Variants in RBM20 observed in about 807,000 individuals in gnomAD.
RBM20 encodes the protein RNA binding motif protein 20, also known as RNA-binding protein 20.
RBM20 carries 51 observed loss-of-function variants against 110.1 expected under a neutral mutation model. The ratio of observed to expected loss-of-function variants is 0.46; its 90% CI spans 0.37 to 0.59. The LOEUF (loss-of-function observed/expected upper bound fraction) is 0.59, where lower values mean the gene tolerates loss of function less well. RBM20 is among the 20% of genes least tolerant of loss of function. The probability of loss-of-function intolerance (pLI) is 0.00; values close to 1 mark genes in which losing one functional copy is unlikely to be tolerated. For missense variants in RBM20, 1,512 were observed against 1,574.9 expected (o/e 0.96, Z 0.68); for synonymous variants, 589 against 618.2 (o/e 0.95, Z 0.70).
intron 1 of RBM20, among the ~76,000 whole-genome samples, chr10:110,668,542 C>G (rs908711583): frequency 3.9e-5 from 6 of 151,974 alleles, no homozygotes; most frequent in African/African-American, 1.4e-4. Context: ...GTCATTCAAG[C>G]AGAAATTGCG....
intron 7 of RBM20, among the ~76,000 whole-genome samples, 196 bp downstream of exon 7, chr10:110,800,114 C>T (rs1844603685): frequency 6.6e-6 from 1 of 152,150 alleles, no homozygotes; most frequent in African/African-American, 2.4e-5. Flanking sequence ...ATACAAAGTG[C>T]AAAGAGACGC....
At chr10:110,773,499 A>G (rs767212910) in intron 1 of RBM20, among the ~76,000 whole-genome samples, 1 of 152,224 alleles carries the variant, frequency 6.6e-6, no homozygotes, top group Non-Finnish European at 1.5e-5. Flanking sequence ...AAAATTTTCA[A>G]AAAAAACCAA....
intron 13 of RBM20, 100 bp from the exon 14 acceptor site, chr10:110,835,768 A>T (rs113227375): frequency 8.1e-7 from 1 of 1,232,050 alleles, no homozygotes; most frequent in Non-Finnish European, 1.1e-6. Context: ...CTGGGCACAG[A>T]TGCCAGGAGA....
intron 13 of RBM20, among the ~76,000 whole-genome samples, chr10:110,831,685 A>AAAC (rs35806410): frequency 9.3e-5 from 14 of 150,164 alleles, no homozygotes; most frequent in Admixed American, 6.6e-4. Context: ...AAAAAAAAAA[A>AAAC]AAAAAACACT....
At chr10:110,660,492 G>C (rs1041146014) in intron 1 of RBM20, among the ~76,000 whole-genome samples, 3 of 152,134 alleles carry the variant, frequency 2.0e-5, no homozygotes, top group Admixed American at 6.5e-5. Context: ...TGAGCGGTGG[G>C]CGAGCAAGCG....
intron 1 of RBM20, among the ~76,000 whole-genome samples, chr10:110,771,229 G>A (rs1180908790): frequency 1.3e-5 from 2 of 151,930 alleles, no homozygotes; most frequent in Non-Finnish European, 2.9e-5. Flanking sequence ...TGATCTCAGC[G>A]ATTCTCCTGC....
At position 110,780,922 on chromosome 10, in the gene RBM20, C is replaced by G. The variant is rs397516611; in HGVS notation, c.313C>G (p.Leu105Val). The G allele has an allele frequency of 1.3e-6, 2 of 1,551,726 alleles. No homozygotes were observed. Among genetic ancestry groups the G allele is most frequent in the South Asian group, 2.4e-5 (2 of 84,058 alleles). Residue 105 changes from leucine to valine, a missense_variant, in exon 2 of 14, where the codon CTG becomes GTG. Transcript: ENST00000369519. ...QAQLTLHRLK[L>V]AQTAVTNNTA... ...CCAGCTCACCCTCCACCGGCTGAAG[C>G]TGGCACAGACAGCTGTCACCAACAA...
intron 7 of RBM20, among the ~76,000 whole-genome samples, chr10:110,803,044 T>G (rs2031130): frequency 0.62 from 94,204 of 152,020 alleles, 29,328 homozygotes; most frequent in East Asian, 0.67. Flanking sequence ...GTGTGTAGGG[T>G]GTATAATAGC....
At position 110,772,879 on chromosome 10, in the gene RBM20, C is replaced by T. The variant is rs140292518; in HGVS notation, c.192-7922C>T. 2.2e-3 allele frequency among the ~76,000 whole-genome samples: 336 copies of T among 152,314 alleles called. 1 individual carries two copies. The highest frequency in any genetic ancestry group is 7.4e-3 in the African/African-American group (306 of 41,572). ...TTTACAGTGAGTGGAACAGACATTACGATCTCCATTTGACAGATGAGGAAA... is the reference window on the plus strand; with the variant it reads ...TTTACAGTGAGTGGAACAGACATTATGATCTCCATTTGACAGATGAGGAAA... On this transcript the variant is annotated intron_variant, in intron 1 of 13. Transcript: ENST00000369519.
intron 1 of RBM20, among the ~76,000 whole-genome samples, chr10:110,670,539 C>T (rs1033195653): frequency 6.6e-6 from 1 of 152,142 alleles, no homozygotes; most frequent in African/African-American, 2.4e-5. Context: ...GCCTGGAATC[C>T]CTGCAGCATT....
intron 6 of RBM20, 61 bp downstream of exon 6, chr10:110,797,709 A>T (rs1844569795): frequency 2.0e-6 from 3 of 1,490,716 alleles, no homozygotes; most frequent in Non-Finnish European, 2.7e-6. Context: ...GTGAAAGGGA[A>T]CGATATAATT....
At chr10:110,750,929 A>G (rs987119616) in intron 1 of RBM20, among the ~76,000 whole-genome samples, 1 of 151,988 alleles carries the variant, frequency 6.6e-6, no homozygotes, top group Non-Finnish European at 1.5e-5. Flanking sequence ...TGAAAATGGG[A>G]GTTGTGGAAT....
intron 11 of RBM20, 98 bp from the exon 12 acceptor site, chr10:110,823,382 T>C: frequency 1.4e-6 from 2 of 1,413,308 alleles, no homozygotes; most frequent in Non-Finnish European, 1.9e-6. Context: ...TTCCCAATCA[T>C]ACTATGCAGG....
At position 110,660,494 on chromosome 10, in the gene RBM20, G is replaced by A. The variant is rs572689858; in HGVS notation, c.191+15849G>A. On this transcript the variant is annotated intron_variant, in intron 1 of 13. Coordinates refer to ENST00000369519, the MANE Select transcript of RBM20 (RefSeq NM_001134363.3). Reference sequence around the variant, plus strand: ...ACACAGCAGGAGGTGAGCGGTGGGCGAGCAAGCGAAGCTTCATCTGTATTT... The same window carrying A: ...ACACAGCAGGAGGTGAGCGGTGGGCAAGCAAGCGAAGCTTCATCTGTATTT... Among the ~76,000 whole-genome samples the A allele has an allele frequency of 2.2e-4, 34 of 152,250 alleles. 1 individual carries two copies. The highest frequency in any genetic ancestry group is 6.7e-4 in the African/African-American group (28 of 41,536).
chr10:110,659,382 G>T (rs1031929295), intron 1 of RBM20, among the ~76,000 whole-genome samples: 3 of 152,224 alleles, frequency 2.0e-5, no homozygotes, highest in Admixed American at 1.3e-4. Context: ...GTTAAAGGGG[G>T]ACCAGGGTAT....
intron 1 of RBM20, among the ~76,000 whole-genome samples, chr10:110,757,945 C>T (rs1590658109): frequency 6.7e-6 from 1 of 148,612 alleles, no homozygotes; most frequent in East Asian, 2.0e-4. Flanking sequence ...ATATTGAGCT[C>T]TGCTTGTGGC....
At chr10:110,666,480 A>C (rs879838062) in intron 1 of RBM20, among the ~76,000 whole-genome samples, 13 of 152,102 alleles carry the variant, frequency 8.5e-5, no homozygotes, top group Non-Finnish European at 1.8e-4. Flanking sequence ...CCATGTCTAC[A>C]GAAAGTTTTT....
intron 1 of RBM20, among the ~76,000 whole-genome samples, chr10:110,704,133 G>A (rs370564112): frequency 7.3e-4 from 111 of 152,210 alleles, no homozygotes; most frequent in African/African-American, 2.6e-3. Flanking sequence ...TAAAATAAAA[G>A]CAATAATACA....
At chr10:110,806,013 C>G (rs539854756) in intron 7 of RBM20, among the ~76,000 whole-genome samples, 71 of 152,314 alleles carry the variant, frequency 4.7e-4, no homozygotes, top group Non-Finnish European at 7.8e-4. Flanking sequence ...TGGCTCACGC[C>G]TGTAATCCCA....
Sources: gnomAD v4.1 joint callset for allele counts (sites outside exome capture counted in the v4.1 genomes callset) on GRCh38, gnomAD v4.1.1 for gene constraint, MANE v1.5 for transcripts, NCBI Gene and HGNC (gene_info 2026-07-23, HGNC 2026-07-21) for gene names.